RHPN2: variants seen among roughly 807,000 people sequenced by gnomAD.
The protein encoded by RHPN2 is rhophilin Rho GTPase binding protein 2.
RHPN2 carries 40 observed loss-of-function variants against 79.0 expected under a neutral mutation model. The observed-to-expected ratio is 0.51, with a 90% CI of 0.39 to 0.66. The LOEUF (loss-of-function observed/expected upper bound fraction) is 0.66. Among genes scored for constraint, RHPN2 ranks in the 30% least tolerant of loss-of-function variants. RHPN2 has a pLI of 0.00. For synonymous variants in RHPN2, 285 were observed against 363.5 expected (o/e 0.78, Z 2.46); for missense variants, 686 against 883.5 (o/e 0.78, Z 2.83).
At chr19:33,010,845 G>C (rs945585860) in intron 6 of RHPN2, among the ~76,000 whole-genome samples, 6 of 151,624 alleles carry the variant, frequency 4.0e-5, no homozygotes, top group Non-Finnish European at 5.9e-5. Flanking sequence ...ATCATACCCA[G>C]CAAATTTTTG....
chr19:33,032,985 C>T (rs1413046587), intron 2 of RHPN2, among the ~76,000 whole-genome samples: 1 of 152,130 alleles, frequency 6.6e-6, no homozygotes, highest in Non-Finnish European at 1.5e-5. Context: ...TTCATATCTT[C>T]ATTCACTCCT....
Position 33,008,078 on chromosome 19 carries a change from G to C in RHPN2, c.696C>G (p.Thr232=). The change falls in exon 7 of 15, where the codon ACC becomes ACG. Residue 232 remains threonine (T), a synonymous_variant. Coordinates refer to ENST00000254260, the MANE Select transcript of RHPN2 (RefSeq NM_033103.5). ...NTGALYTQIG[T]RCDRQTQAGL... is the part of the protein sequence containing the mutation. ...CAGCCTGCGTCTGCCGATCACACCG[G>C]GTCCCAATCTGGGTGTAGAGGGCCC... The C allele has an allele frequency of 6.2e-7, 1 of 1,613,660 alleles. No homozygotes were observed. The highest frequency in any genetic ancestry group is 2.2e-5 in the East Asian group (1 of 44,844).
Position 32,991,886 on chromosome 19 carries a change from C to A in RHPN2, c.1581G>T (p.Gly527=), listed in dbSNP as rs1432807055. ...CGGGGGCGTTCCCTCTCAAGGTGAA[C>A]CCCAAGTCCCCTTCTTCTGCAGTGA... ...IRFTAEEGDL[G]FTLRGNAPVQ... Residue 527 remains glycine (G), a synonymous_variant, in exon 13 of 15, where the codon GGG becomes GGT. Coordinates refer to ENST00000254260, the MANE Select transcript of RHPN2 (RefSeq NM_033103.5). 3 of 1,613,840 alleles carry A rather than the reference C, an allele frequency of 1.9e-6. No individual in the cohort carries two copies. Among genetic ancestry groups the A allele is most frequent in the Non-Finnish European group, 2.5e-6 (3 of 1,179,878 alleles).
intron 2 of RHPN2, among the ~76,000 whole-genome samples, chr19:33,031,373 C>G (rs1337408736): frequency 6.6e-6 from 1 of 150,820 alleles, no homozygotes; most frequent in Non-Finnish European, 1.5e-5. Flanking sequence ...GATCCTCCCA[C>G]CTCAGACTCC....
At chr19:33,005,623 A>AAAT (rs1555711351) in intron 7 of RHPN2, among the ~76,000 whole-genome samples, 2 of 143,066 alleles carry the variant, frequency 1.4e-5, no homozygotes, top group East Asian at 2.1e-4. Flanking sequence ...AAAAAAAAAA[A>AAAT]AAGCCCTGCC....
At chr19:33,041,112 C>A (rs1016341308) in intron 2 of RHPN2, among the ~76,000 whole-genome samples, 3 of 152,136 alleles carry the variant, frequency 2.0e-5, no homozygotes, top group African/African-American at 7.2e-5. Flanking sequence ...GCCTGCCTAG[C>A]CACGATACCC....
chr19:33,036,995 C>T (rs1005403109), intron 2 of RHPN2, among the ~76,000 whole-genome samples: 4 of 152,214 alleles, frequency 2.6e-5, no homozygotes, highest in Non-Finnish European at 4.4e-5. Context: ...GGGCGCAGGG[C>T]GCCGGACTGG....
intron 10 of RHPN2, chr19:32,996,500 T>G: frequency 2.1e-6 from 1 of 483,550 alleles, no homozygotes; most frequent in South Asian, 2.0e-5. Context: ...GAATGCAAAC[T>G]GCTGATAAGA....
At chr19:32,980,964 G>A (rs1428836203) in intron 14 of RHPN2, among the ~76,000 whole-genome samples, 1 of 151,892 alleles carries the variant, frequency 6.6e-6, no homozygotes, top group African/African-American at 2.4e-5. Context: ...CAGCCTCTCT[G>A]AGTAGCTGGG....
At chr19:33,018,062 A>G (rs1971892106) in intron 4 of RHPN2, among the ~76,000 whole-genome samples, 2 of 152,064 alleles carry the variant, frequency 1.3e-5, no homozygotes, top group African/African-American at 4.8e-5. Flanking sequence ...GCTGAGGCAG[A>G]GAATTGCTTG....
intron 2 of RHPN2, among the ~76,000 whole-genome samples, chr19:33,043,518 C>T (rs542638303): frequency 6.6e-6 from 1 of 152,336 alleles, no homozygotes; most frequent in East Asian, 1.9e-4. Flanking sequence ...CGCCACTGCA[C>T]TCTAGCCTGG....
intron 1 of RHPN2, among the ~76,000 whole-genome samples, chr19:33,063,674 T>C (rs1441006251): frequency 6.6e-6 from 1 of 152,196 alleles, no homozygotes; most frequent in Non-Finnish European, 1.5e-5. Context: ...GCCCAGGCCC[T>C]GCCGCCTGCG....
At chr19:33,038,338 C>T (rs1972074802) in intron 2 of RHPN2, among the ~76,000 whole-genome samples, 1 of 151,310 alleles carries the variant, frequency 6.6e-6, no homozygotes, top group Non-Finnish European at 1.5e-5. Flanking sequence ...TGGTGGTACA[C>T]ACCTGTGGAG....
chr19:33,011,894 C>T, intron 5 of RHPN2, 91 bp from the exon 6 acceptor site: 1 of 1,545,406 alleles, frequency 6.5e-7, no homozygotes, highest in Non-Finnish European at 8.9e-7. Flanking sequence ...CCAGCAGGTG[C>T]CTGTAACTAT....
intron 2 of RHPN2, among the ~76,000 whole-genome samples, chr19:33,028,415 C>T (rs1441207570): frequency 1.3e-5 from 2 of 152,086 alleles, no homozygotes; most frequent in Non-Finnish European, 2.9e-5. Context: ...CCTCAGCCTC[C>T]GAAAGTGCTG....
intron 10 of RHPN2, among the ~76,000 whole-genome samples, chr19:32,997,106 C>G (rs557014283): frequency 1.1e-4 from 16 of 152,110 alleles, no homozygotes; most frequent in Non-Finnish European, 1.6e-4. Flanking sequence ...GCTATGTTGC[C>G]CAGGCTGGTC....
chr19:33,013,450 C>G (rs1971853506), intron 4 of RHPN2, among the ~76,000 whole-genome samples: 1 of 152,178 alleles, frequency 6.6e-6, no homozygotes, highest in African/African-American at 2.4e-5. Context: ...CTGCCTCAGC[C>G]TCCCAAAGTG....
intron 7 of RHPN2, among the ~76,000 whole-genome samples, chr19:33,005,722 C>T (rs1454170633): frequency 6.6e-6 from 1 of 151,516 alleles, no homozygotes; most frequent in Non-Finnish European, 1.5e-5. Flanking sequence ...TGCTTCATTT[C>T]GTCTATAGTT....
chr19:33,049,690 C>T (rs986530541), intron 1 of RHPN2, among the ~76,000 whole-genome samples: 1 of 152,132 alleles, frequency 6.6e-6, no homozygotes, highest in African/African-American at 2.4e-5. Context: ...TGAGTGAACC[C>T]CCGTGTCATC....
Sources: gnomAD v4.1 joint callset for allele counts (sites outside exome capture counted in the v4.1 genomes callset) on GRCh38, gnomAD v4.1.1 for gene constraint, MANE v1.5 for transcripts, NCBI Gene and HGNC (gene_info 2026-07-23, HGNC 2026-07-21) for gene names.